NEXN: variants seen among roughly 807,000 people sequenced by gnomAD.
The protein encoded by NEXN is nexilin F-actin binding protein, also known as nexilin.
A neutral mutation model predicts 92.6 loss-of-function variants in NEXN; 65 were observed. That is an observed-to-expected ratio of 0.70 (90% CI 0.57 to 0.86). NEXN has a LOEUF of 0.86. Ranked by LOEUF, NEXN falls within the 40% of genes least tolerant of loss-of-function variation. The pLI is 0.00. For synonymous variants in NEXN, 254 were observed against 242.5 expected (o/e 1.05, Z -0.44); for missense variants, 778 against 771.1 (o/e 1.01, Z -0.11).
intron 1 of NEXN, among the ~76,000 whole-genome samples, chr1:77,910,419 T>C (rs958340238): frequency 3.3e-5 from 5 of 152,154 alleles, no homozygotes; most frequent in South Asian, 4.2e-4. Flanking sequence ...TCTATGTATG[T>C]AGAAAATCTG....
chr1:77,937,723 TTGAA>T (rs968784169), intron 11 of NEXN, among the ~76,000 whole-genome samples: 1 of 152,026 alleles, frequency 6.6e-6, no homozygotes, highest in Admixed American at 6.6e-5. Flanking sequence ...AAAAAATTAT[TTGAA>T]TGACTACTAT....
At chr1:77,897,085 G>A (rs922671147) in intron 1 of NEXN, among the ~76,000 whole-genome samples, 5 of 152,192 alleles carry the variant, frequency 3.3e-5, no homozygotes, top group African/African-American at 1.2e-4. Context: ...GAGGTACAAA[G>A]AAGAGCTGGT....
intron 11 of NEXN, among the ~76,000 whole-genome samples, chr1:77,936,904 A>T (rs1453027418): frequency 6.6e-6 from 1 of 152,218 alleles, no homozygotes; most frequent in Non-Finnish European, 1.5e-5. Flanking sequence ...TTGGGACTAT[A>T]AGCAATTCAT....
At chr1:77,894,796 A>G (rs1472284677) in intron 1 of NEXN, among the ~76,000 whole-genome samples, 1 of 150,740 alleles carries the variant, frequency 6.6e-6, no homozygotes, top group Non-Finnish European at 1.5e-5. Flanking sequence ...GCTAACTGCA[A>G]CCTCCACCTC....
chr1:77,903,001 A>G (rs1647839463), intron 1 of NEXN, among the ~76,000 whole-genome samples: 1 of 152,178 alleles, frequency 6.6e-6, no homozygotes, highest in Non-Finnish European at 1.5e-5. Flanking sequence ...AAAAATGGAG[A>G]GAAGACAAAG....
chr1:77,907,086 A>C (rs2102062863), intron 1 of NEXN, among the ~76,000 whole-genome samples: 1 of 152,376 alleles, frequency 6.6e-6, no homozygotes, highest in South Asian at 2.1e-4. Context: ...AACTTGGATT[A>C]TCTTCATCAT....
intron 11 of NEXN, among the ~76,000 whole-genome samples, chr1:77,940,196 C>T (rs1651143361): frequency 6.6e-6 from 1 of 152,206 alleles, no homozygotes; most frequent in Non-Finnish European, 1.5e-5. Context: ...TCATTTGGTA[C>T]TTAAATGCCT....
intron 1 of NEXN, among the ~76,000 whole-genome samples, chr1:77,897,037 A>C (rs910497838): frequency 3.9e-5 from 6 of 152,204 alleles, no homozygotes; most frequent in African/African-American, 1.4e-4. Flanking sequence ...CAACCAAAAA[A>C]AGTCCAGGAC....
chr1:77,889,810 T>G (rs181552779), intron 1 of NEXN, among the ~76,000 whole-genome samples: 1 of 152,328 alleles, frequency 6.6e-6, no homozygotes, highest in East Asian at 1.9e-4. Flanking sequence ...ATCGTTAAAT[T>G]TTGTTAATGA....
intron 9 of NEXN, 107 bp from the exon 10 acceptor site, chr1:77,933,175 A>T (rs1571149980): frequency 1.8e-5 from 15 of 815,466 alleles, no homozygotes; most frequent in East Asian, 1.6e-4. Flanking sequence ...AAACAAAAAC[A>T]AAAACTAAAA....
chr1:77,931,282 C>T (rs1021054252), intron 9 of NEXN, among the ~76,000 whole-genome samples: 3 of 146,810 alleles, frequency 2.0e-5, no homozygotes, highest in Non-Finnish European at 4.5e-5. Flanking sequence ...GGCGTGTTGG[C>T]GGGCACCTGT....
intron 10 of NEXN, among the ~76,000 whole-genome samples, chr1:77,933,836 C>A (rs1650510597): frequency 6.6e-6 from 1 of 152,032 alleles, no homozygotes; most frequent in African/African-American, 2.4e-5. Flanking sequence ...ACGCCATGTT[C>A]AGAAGGCCTT....
intron 2 of NEXN, 26 bp downstream of exon 2, chr1:77,916,159 A>C: frequency 1.3e-6 from 2 of 1,573,792 alleles, no homozygotes; most frequent in Non-Finnish European, 1.7e-6. Context: ...AAAAATAAAA[A>C]TAAAAGAGGG....
At position 77,924,706 on chromosome 1, in the gene NEXN, C is replaced by T. The variant is rs778469073; in HGVS notation, c.448-482C>T. Among the ~76,000 whole-genome samples, 8 of 152,014 alleles carry T rather than the reference C, an allele frequency of 5.3e-5. 1 individual carries two copies. Among genetic ancestry groups the T allele is most frequent in the Non-Finnish European group, 8.8e-5 (6 of 68,016 alleles). On this transcript the variant is annotated intron_variant, in intron 5 of 12. Transcript: ENST00000334785. ...ACAGGGTCTCACTCTGTCACTCACACTGGAGTGCAGTGGCATGAACATGGC... is the reference window on the plus strand; with the variant it reads ...ACAGGGTCTCACTCTGTCACTCACATTGGAGTGCAGTGGCATGAACATGGC...
At chr1:77,941,914 C>A in intron 11 of NEXN, 109 bp from the exon 12 acceptor site, 1 of 1,074,212 alleles carries the variant, frequency 9.3e-7, no homozygotes, top group Non-Finnish European at 1.4e-6. Flanking sequence ...CAAAAATATG[C>A]ATTATAAACA....
At chr1:77,939,550 C>A (rs1651078422) in intron 11 of NEXN, among the ~76,000 whole-genome samples, 1 of 152,120 alleles carries the variant, frequency 6.6e-6, no homozygotes, top group South Asian at 2.1e-4. Flanking sequence ...GTAGTGAAAC[C>A]TTAGCAGTTA....
chr1:77,894,177 G>A (rs1248289172), intron 1 of NEXN, among the ~76,000 whole-genome samples: 6 of 151,702 alleles, frequency 4.0e-5, no homozygotes, highest in African/African-American at 1.5e-4. Context: ...GGCTGGTCTC[G>A]AACTCCTGAC....
chr1:77,919,592 T>C (rs1003085290), intron 5 of NEXN, among the ~76,000 whole-genome samples: 7 of 151,468 alleles, frequency 4.6e-5, no homozygotes, highest in African/African-American at 1.5e-4. Flanking sequence ...ATTTTTTTTT[T>C]TTTTTTTTGA....
chr1:77,933,993 A>G (rs1372117141), intron 10 of NEXN, among the ~76,000 whole-genome samples: 4 of 141,916 alleles, frequency 2.8e-5, no homozygotes, highest in Non-Finnish European at 6.1e-5. Flanking sequence ...ACGCAGCACC[A>G]TGTCTGGCTA....
Sources: gnomAD v4.1 joint callset for allele counts (sites outside exome capture counted in the v4.1 genomes callset) on GRCh38, gnomAD v4.1.1 for gene constraint, MANE v1.5 for transcripts, NCBI Gene and HGNC (gene_info 2026-07-23, HGNC 2026-07-21) for gene names.